The following MCM2 variants were observed in gnomAD, a reference collection of about 807,000 sequenced individuals.
MCM2 encodes minichromosome maintenance complex component 2.
Under a neutral mutation model 86.4 loss-of-function variants are expected in MCM2, and 49 were observed. The ratio of observed to expected loss-of-function variants is 0.57; its 90% confidence interval spans 0.45 to 0.72. The LOEUF (loss-of-function observed/expected upper bound fraction) is 0.72. Ranked by LOEUF, MCM2 falls within the 30% of genes least tolerant of loss-of-function variation. MCM2 has a pLI of 0.00. For synonymous variants in MCM2, 475 were observed against 484.6 expected, an observed-to-expected ratio of 0.98 and a Z score of 0.26; for missense variants, 1,038 against 1,259.9, an observed-to-expected ratio of 0.82 and a Z score of 2.67.
At chr3:127,609,422 C>T (rs1207015829) in intron 8 of MCM2, among the ~76,000 whole-genome samples, 1 of 152,044 alleles carries the variant, frequency 6.6e-6, no homozygotes, top group African/African-American at 2.4e-5. Context: ...CCTAGGGATC[C>T]AGCTGTGGCC....
intron 15 of MCM2, 27 bp from the exon 16 acceptor site, chr3:127,621,636 G>T: frequency 6.8e-7 from 1 of 1,466,574 alleles, no homozygotes; most frequent in Non-Finnish European, 9.6e-7. Context: ...CACCACTGAT[G>T]GCTCACTGGA....
intron 2 of MCM2, among the ~76,000 whole-genome samples, chr3:127,603,337 T>C (rs1056460744): frequency 7.9e-5 from 12 of 152,088 alleles, no homozygotes; most frequent in Middle Eastern, 6.8e-3. Context: ...TGTTTGTTTG[T>C]TTGAGACGGA....
intron 2 of MCM2, among the ~76,000 whole-genome samples, chr3:127,602,263 G>A (rs559377110): frequency 1.1e-4 from 17 of 149,260 alleles, no homozygotes; most frequent in African/African-American, 3.2e-4. Flanking sequence ...CCTTTTCCCC[G>A]AAAACATGGA....
intron 6 of MCM2, among the ~76,000 whole-genome samples, chr3:127,607,894 A>G (rs2074362704): frequency 6.6e-6 from 1 of 152,226 alleles, no homozygotes; most frequent in Admixed American, 6.5e-5. Flanking sequence ...CCATGTTGTG[A>G]GATAATGGGT....
intron 8 of MCM2, among the ~76,000 whole-genome samples, chr3:127,609,268 C>CTCTGAGTCT (rs2074375169): frequency 6.6e-6 from 1 of 152,174 alleles, no homozygotes; most frequent in Non-Finnish European, 1.5e-5. Flanking sequence ...TGGATGACCT[C>CTCTGAGTCT]TCTGAGTCTG....
intron 8 of MCM2, among the ~76,000 whole-genome samples, chr3:127,614,792 T>G (rs2107693152): frequency 6.6e-6 from 1 of 152,348 alleles, no homozygotes; most frequent in East Asian, 1.9e-4. Flanking sequence ...TGTCCCTTTT[T>G]TGCCAGCGTG....
intron 6 of MCM2, among the ~76,000 whole-genome samples, chr3:127,607,415 G>A (rs2074359769): frequency 6.6e-6 from 1 of 152,276 alleles, no homozygotes; most frequent in African/African-American, 2.4e-5. Context: ...TGCTGTGGCT[G>A]TTGGCTGTCC....
At chr3:127,614,738 G>A (rs968553674) in intron 8 of MCM2, among the ~76,000 whole-genome samples, 1 of 152,228 alleles carries the variant, frequency 6.6e-6, no homozygotes, top group African/African-American at 2.4e-5. Context: ...CCCGCCGGGT[G>A]TTGAGGTTTC....
In MCM2 at chr3:127,617,182, G is replaced by A. The variant is rs1200138906; in HGVS notation, c.1773+64G>A. Reference sequence around the variant, plus strand: ...GGTGTGTGTGGGCTTGGGCCTTAGCGACGGGAATGGTGTTAATGGGGTCCA... The same window carrying A: ...GGTGTGTGTGGGCTTGGGCCTTAGCAACGGGAATGGTGTTAATGGGGTCCA... On this transcript the variant is annotated intron_variant, in intron 10 of 15. Transcript: ENST00000265056. The surrounding 1 kb of genome is among the most constrained non-coding windows in gnomAD (Gnocchi z 4.1). 1.6e-5 allele frequency: 26 copies of A among 1,603,612 alleles called. No individual in the cohort carries two copies. Among genetic ancestry groups the A allele is most frequent in the South Asian group, 6.7e-5 (6 of 89,894 alleles).
At chr3:127,607,089 A>G (rs1034576947) in intron 6 of MCM2, among the ~76,000 whole-genome samples, 15 of 152,344 alleles carry the variant, frequency 9.8e-5, no homozygotes, top group Admixed American at 6.5e-4. Context: ...AAACATGAGA[A>G]GATCTGGCAA....
At chr3:127,611,552 C>T (rs188568545) in intron 8 of MCM2, among the ~76,000 whole-genome samples, 54 of 152,306 alleles carry the variant, frequency 3.5e-4, no homozygotes, top group Admixed American at 1.6e-3. Context: ...CAGCCCTACC[C>T]CGCTCCCGTG....
Position 127,605,096 on chromosome 3 carries a change from A to T in MCM2, c.613A>T (p.Thr205Ser). The T allele has an allele frequency of 1.2e-6, 2 of 1,613,868 alleles. No homozygotes were observed. Among genetic ancestry groups the T allele is most frequent in the Non-Finnish European group, 8.5e-7 (1 of 1,179,988 alleles). ...IHHRFKNFLR[T>S]HVDSHGHNVF... ...CCACCGCTTCAAGAACTTCCTGCGC[A>T]CTCACGTCGACAGCCACGGCCACAA... The change falls in exon 4 of 16, where the codon ACT (threonine) becomes TCT (serine). Residue 205 changes from threonine to serine, a missense_variant. This residue lies in a region of MCM2 where 300 missense variants were observed against 307.4 expected (regional missense o/e 0.98). Coordinates refer to ENST00000265056, the MANE Select transcript of MCM2 (RefSeq NM_004526.4).
intron 2 of MCM2, among the ~76,000 whole-genome samples, chr3:127,603,453 C>T (rs980179698): frequency 6.6e-6 from 1 of 151,420 alleles, no homozygotes; most frequent in Non-Finnish European, 1.5e-5. Flanking sequence ...TGAGCCACCG[C>T]ACCCAGCCCT....
At chr3:127,602,306 C>T (rs1237045255) in intron 2 of MCM2, among the ~76,000 whole-genome samples, 1 of 151,980 alleles carries the variant, frequency 6.6e-6, no homozygotes, top group Non-Finnish European at 1.5e-5. Flanking sequence ...TGATATCTGC[C>T]TGGCTGGGTT....
chr3:127,609,014 C>A lies in MCM2; in HGVS notation c.1419C>A (p.Ile473=), dbSNP rs757423043. 1.9e-6 allele frequency: 3 copies of A among 1,613,836 alleles called. No homozygotes were observed. The highest frequency in any genetic ancestry group is 2.5e-6 in the Non-Finnish European group (3 of 1,179,982). ...MITSLSKDQQ[I]GEKIFASIAP... The stretch of plus-strand genomic sequence containing the variant: ...CTAGCCTCTCCAAGGATCAGCAGAT[C>A]GGAGAGAAGGTAGGTGGAAGGCAGG... The change falls in exon 8 of 16, where the codon ATC becomes ATA. Residue 473 remains isoleucine (I), a synonymous_variant. Transcript: ENST00000265056.
chr3:127,621,914 A>G lies in MCM2; in HGVS notation c.*141A>G, dbSNP rs954122588. On this transcript the variant is annotated 3_prime_UTR_variant, in exon 16 of 16. Coordinates refer to ENST00000265056, the MANE Select transcript of MCM2 (RefSeq NM_004526.4). The stretch of plus-strand genomic sequence containing the variant: ...GGCTTATAGCAGGATGTCTGGCTGC[A>G]CCTGGCATGACTGTTTGTTTCTCCA... 2.4e-5 allele frequency: 14 copies of G among 594,920 alleles called. No individual in the cohort carries two copies. The highest frequency in any genetic ancestry group is 1.3e-4 in the African/African-American group (7 of 53,216). 36.9% of individuals were successfully genotyped at this position (594,920 alleles called of 1,614,324 possible).
chr3:127,605,253 G>A (rs962109550), intron 4 of MCM2, 97 bp downstream of exon 4: 4 of 1,480,832 alleles, frequency 2.7e-6, no homozygotes, highest in Admixed American at 3.8e-5. Context: ...GAAGCACAGG[G>A]CATATGGCTG....
rs772003144 is a variant in MCM2 at position 127,604,647 on chromosome 3, C to T, written c.276C>T (p.Ala92=). ...TCCCAGAGCTGGACGCCTATGAGGC[C>T]GAGGGACTGGCTCTGGATGATGAGG... ...RAIPELDAYE[A]EGLALDDEDV... Residue 92 remains alanine, a synonymous_variant, in exon 3 of 16, where the codon GCC becomes GCT. Coordinates refer to ENST00000265056, the MANE Select transcript of MCM2 (RefSeq NM_004526.4). The T allele has an allele frequency of 3.3e-5, 54 of 1,613,148 alleles. No homozygotes were observed. Among genetic ancestry groups the T allele is most frequent in the Non-Finnish European group, 4.2e-5 (50 of 1,180,042 alleles).
rs60327090 is a variant in MCM2 at position 127,615,007 on chromosome 3, G to A, written c.1429-855G>A. Reference sequence around the variant, plus strand: ...AGGAGTTAGAGACACCTCTAAAGCTGCATGAATTTGATGGTGCAGGCAGGA... The same window carrying A: ...AGGAGTTAGAGACACCTCTAAAGCTACATGAATTTGATGGTGCAGGCAGGA... On this transcript the variant is annotated intron_variant, in intron 8 of 15. Transcript: ENST00000265056. Among the ~76,000 whole-genome samples the A allele has an allele frequency of 1.5e-3, 227 of 152,350 alleles. 1 individual carries two copies. Among genetic ancestry groups the A allele is most frequent in the African/African-American group, 5.4e-3 (223 of 41,584 alleles).
Sources: gnomAD v4.1 joint callset for allele counts (sites outside exome capture counted in the v4.1 genomes callset) on GRCh38, gnomAD v4.1.1 for gene constraint, gnomAD v4.1.1 regional missense constraint, Gnocchi (gnomAD v3.1) non-coding constraint, MANE v1.5 for transcripts, NCBI Gene and HGNC (gene_info 2026-07-23, HGNC 2026-07-21) for gene names.